FAM178B: variants seen among roughly 807,000 people sequenced by gnomAD.
FAM178B encodes the protein family with sequence similarity 178 member B, also known as protein FAM178B.
A neutral mutation model predicts 91.7 loss-of-function variants in FAM178B; 82 were observed. That is an observed-to-expected ratio of 0.89 (90% CI 0.75 to 1.07). The LOEUF (loss-of-function observed/expected upper bound fraction) is 1.07. Ranked by LOEUF, FAM178B falls within the 50% of genes least tolerant of loss-of-function variation. FAM178B has a pLI of 0.00. For missense variants in FAM178B, 769 were observed against 846.7 expected (o/e 0.91, Z 1.14); for synonymous variants, 368 against 359.4 (o/e 1.02, Z -0.27).
chr2:96,936,315 C>T (rs975968170), intron 8 of FAM178B, among the ~76,000 whole-genome samples: 35 of 152,088 alleles, frequency 2.3e-4, no homozygotes, highest in South Asian at 1.7e-3. Context: ...CATTCTCCTG[C>T]CTCAGCCTCC....
At chr2:96,938,832 G>T (rs531380277) in intron 8 of FAM178B, 1 of 152,446 alleles carries the variant, frequency 6.6e-6, no homozygotes, top group South Asian at 2.1e-4. Flanking sequence ...GCAAGGAGGC[G>T]GCACACGCCC....
intron 1 of FAM178B, among the ~76,000 whole-genome samples, chr2:96,980,733 T>G (rs1379456691): frequency 6.6e-6 from 1 of 152,156 alleles, no homozygotes; most frequent in Non-Finnish European, 1.5e-5. Flanking sequence ...GTTTCCCTGG[T>G]TCTAATGAGG....
chr2:96,925,611 G>GTGAGC (rs1334465168), intron 9 of FAM178B, among the ~76,000 whole-genome samples: 1 of 152,156 alleles, frequency 6.6e-6, no homozygotes, highest in African/African-American at 2.4e-5. Flanking sequence ...GCAGGTTAGA[G>GTGAGC]TGAGCTGATG....
At chr2:96,899,092 G>A (rs939072354) in intron 13 of FAM178B, among the ~76,000 whole-genome samples, 2 of 152,250 alleles carry the variant, frequency 1.3e-5, no homozygotes, top group Admixed American at 6.5e-5. Context: ...GGAGGAGGCT[G>A]TGAGCAGCCC....
chr2:96,884,203 C>A (rs915547332), intron 14 of FAM178B, among the ~76,000 whole-genome samples: 3 of 152,118 alleles, frequency 2.0e-5, no homozygotes, highest in Admixed American at 6.5e-5. Flanking sequence ...GAAGCTGCGG[C>A]ATGGGGAGGG....
intron 8 of FAM178B, among the ~76,000 whole-genome samples, chr2:96,944,074 C>A (rs535860415): frequency 6.6e-6 from 1 of 151,972 alleles, no homozygotes; most frequent in Non-Finnish European, 1.5e-5. Context: ...GAAACCCTGT[C>A]TCTACTAAAA....
intron 6 of FAM178B, 51 bp from the exon 7 acceptor site, chr2:96,951,535 G>C: frequency 7.1e-7 from 1 of 1,412,696 alleles, no homozygotes; most frequent in Non-Finnish European, 9.8e-7. Context: ...CAGCACACTT[G>C]TCTCGGTGAC....
At chr2:96,884,016 G>C (rs1474559459) in intron 14 of FAM178B, among the ~76,000 whole-genome samples, 1 of 152,234 alleles carries the variant, frequency 6.6e-6, no homozygotes, top group Admixed American at 6.5e-5. Flanking sequence ...CGGAGTCTGG[G>C]AAAGGCTGAA....
At chr2:96,969,672 AT>A (rs2082191093) in intron 4 of FAM178B, among the ~76,000 whole-genome samples, 1 of 152,222 alleles carries the variant, frequency 6.6e-6, no homozygotes, top group Non-Finnish European at 1.5e-5. Flanking sequence ...CACCGTGGAA[AT>A]ATATAGGCAT....
intron 14 of FAM178B, among the ~76,000 whole-genome samples, chr2:96,885,737 T>C (rs894805986): frequency 6.6e-6 from 1 of 152,038 alleles, no homozygotes; most frequent in African/African-American, 2.4e-5. Flanking sequence ...CAGGCAGGGA[T>C]TGGCGGGGTC....
intron 14 of FAM178B, among the ~76,000 whole-genome samples, chr2:96,879,184 T>A (rs547834459): frequency 2.0e-5 from 3 of 152,280 alleles, no homozygotes; most frequent in African/African-American, 7.2e-5. Context: ...CCAGAAGGGA[T>A]GCAGCCTGCC....
intron 9 of FAM178B, among the ~76,000 whole-genome samples, chr2:96,923,958 G>T (rs546460569): frequency 2.0e-5 from 3 of 152,240 alleles, no homozygotes; most frequent in Non-Finnish European, 4.4e-5. Flanking sequence ...AAGAGAGAGG[G>T]AGAGAGAATA....
intron 5 of FAM178B, among the ~76,000 whole-genome samples, chr2:96,964,408 T>C (rs1376128918): frequency 6.6e-6 from 1 of 152,082 alleles, no homozygotes; most frequent in Non-Finnish European, 1.5e-5. Flanking sequence ...GCCCATGTGG[T>C]GCTTAGACCA....
chr2:96,947,892 C>T lies in FAM178B; in HGVS notation c.1004G>A (p.Trp335Ter), dbSNP rs1432252240. Residue 335 changes from tryptophan (W) to a stop codon, truncating the protein, a stop_gained, in exon 8 of 17, where the codon TGG becomes TAG. Transcript: ENST00000490605. LOFTEE classifies it high-confidence loss of function. ...LLQWLFQLLT[W>*]PPETSLGAFG... The stretch of plus-strand genomic sequence containing the variant: ...GGCTCCCAAAGATGTTTCTGGAGGC[C>T]ATGTCAGCAGCTAGGTGGAAAAAAA... 7 of 1,532,960 alleles carry T rather than the reference C, an allele frequency of 4.6e-6. No individual in the cohort carries two copies. The Admixed American group carries it at 1.2e-4, about 26-fold the overall frequency. The allele number at this position is 1,532,960 out of a possible 1,614,324, so 95.0% of individuals were successfully genotyped here.
chr2:96,918,682 G>A (rs573191339), intron 12 of FAM178B, among the ~76,000 whole-genome samples: 1 of 152,302 alleles, frequency 6.6e-6, no homozygotes, highest in African/African-American at 2.4e-5. Context: ...GTATTAGTAA[G>A]GGAGGACACC....
At chr2:96,881,827 C>A (rs928957229) in intron 14 of FAM178B, among the ~76,000 whole-genome samples, 1 of 152,062 alleles carries the variant, frequency 6.6e-6, no homozygotes, top group Admixed American at 6.5e-5. Flanking sequence ...AGAGAAAAAC[C>A]CTGTTAACCA....
chr2:96,889,170 G>C (rs1283439803), intron 14 of FAM178B, among the ~76,000 whole-genome samples: 1 of 152,186 alleles, frequency 6.6e-6, no homozygotes, highest in East Asian at 1.9e-4. Context: ...GGGAGATGGG[G>C]ACCAGGCTCC....
At chr2:96,940,198 A>G (rs1396756003) in intron 8 of FAM178B, among the ~76,000 whole-genome samples, 7 of 152,178 alleles carry the variant, frequency 4.6e-5, no homozygotes. Context: ...CAATGGGACC[A>G]GCCCTGTGGA....
chr2:96,890,364 T>A (rs538577796), intron 14 of FAM178B, among the ~76,000 whole-genome samples: 2 of 152,240 alleles, frequency 1.3e-5, no homozygotes, highest in South Asian at 4.1e-4. Context: ...CTTGGGACGC[T>A]GAGGTAGGAG....
Sources: gnomAD v4.1 joint callset for allele counts (sites outside exome capture counted in the v4.1 genomes callset) on GRCh38, gnomAD v4.1.1 for gene constraint, MANE v1.5 for transcripts, NCBI Gene and HGNC (gene_info 2026-07-23, HGNC 2026-07-21) for gene names.